The following FSTL4 variants were observed in gnomAD, a reference collection of about 807,000 sequenced individuals.
FSTL4 encodes follistatin-related protein 4.
Under a neutral mutation model 78.2 loss-of-function variants are expected in FSTL4, and 28 were observed. The observed-to-expected ratio is 0.36, with a 90% CI of 0.27 to 0.49. FSTL4 has a LOEUF of 0.49. FSTL4 is among the 20% of genes least tolerant of loss of function. FSTL4 has a pLI of 0.98. For missense variants in FSTL4, 922 were observed against 1,084.9 expected, an observed-to-expected ratio of 0.85 and a Z score of 2.11; for synonymous variants, 422 against 440.5, an observed-to-expected ratio of 0.96 and a Z score of 0.53.
intron 6 of FSTL4, among the ~76,000 whole-genome samples, chr5:133,250,535 T>C (rs934606018): frequency 5.9e-5 from 9 of 152,210 alleles, no homozygotes; most frequent in Admixed American, 3.3e-4. Flanking sequence ...TACGACTCTA[T>C]TGGGACCTGG....
chr5:133,759,673 C>G, the FSTL4 span, among the ~76,000 whole-genome samples: 82,159 of 152,068 alleles, frequency 0.54, 22,758 homozygotes, highest in Non-Finnish European at 0.61. Context: ...CCATGTTTCT[C>G]TAACTGTGGA....
At chr5:133,315,493 G>A (rs185749381) in intron 5 of FSTL4, among the ~76,000 whole-genome samples, 2 of 152,322 alleles carry the variant, frequency 1.3e-5, no homozygotes, top group East Asian at 3.9e-4. Flanking sequence ...CAATGACCGG[G>A]CCACAGCCTT....
intron 4 of FSTL4, among the ~76,000 whole-genome samples, chr5:133,360,177 C>A (rs1755038545): frequency 6.6e-6 from 1 of 152,192 alleles, no homozygotes; most frequent in African/African-American, 2.4e-5. Context: ...AAAGTACACT[C>A]CAAGTACAAT....
intron 6 of FSTL4, among the ~76,000 whole-genome samples, chr5:133,298,680 G>C (rs1753463476): frequency 6.6e-6 from 1 of 152,266 alleles, no homozygotes; most frequent in Non-Finnish European, 1.5e-5. Flanking sequence ...TCTGAGAGCA[G>C]GAAACTCAGC....
chr5:133,831,273 C>A, the FSTL4 span, among the ~76,000 whole-genome samples: 4 of 152,182 alleles, frequency 2.6e-5, no homozygotes, highest in East Asian at 7.7e-4. Flanking sequence ...TGCATCCAGG[C>A]CGCTGTATCT....
chr5:133,392,205 G>A (rs897786378), intron 4 of FSTL4, among the ~76,000 whole-genome samples: 3 of 152,184 alleles, frequency 2.0e-5, no homozygotes, highest in Non-Finnish European at 4.4e-5. Context: ...GACCATCCCA[G>A]GTGGAATGAG....
the FSTL4 span, among the ~76,000 whole-genome samples, chr5:133,712,011 T>C: frequency 6.6e-6 from 1 of 152,062 alleles, no homozygotes; most frequent in East Asian, 1.9e-4. Context: ...GGCTACAAAA[T>C]ACCCCGCCCA....
intron 4 of FSTL4, among the ~76,000 whole-genome samples, chr5:133,366,290 C>T (rs976607849): frequency 1.3e-5 from 2 of 152,170 alleles, no homozygotes; most frequent in Non-Finnish European, 2.9e-5. Flanking sequence ...TCCGAGGATA[C>T]CCCAGCCATT....
At chr5:133,725,178 G>GA in the FSTL4 span, among the ~76,000 whole-genome samples, 2 of 152,032 alleles carry the variant, frequency 1.3e-5, no homozygotes, top group South Asian at 2.1e-4. Flanking sequence ...CTTTTTTAAA[G>GA]AAAAAATTGT....
Position 133,525,919 on chromosome 5 carries a change from T to C in FSTL4, c.160+41267A>G, listed in dbSNP as rs1445507353. Among the ~76,000 whole-genome samples the C allele has an allele frequency of 2.6e-5, 4 of 152,326 alleles. No homozygotes were observed. The East Asian group carries it at 7.7e-4, about 29-fold the overall frequency. On this transcript the variant is annotated intron_variant, in intron 3 of 15. Transcript: ENST00000265342. ...CTAGCTCTTTATGCCTTCAAATATG[T>C]CTGTCAAAGACATATTAGTTGAGCA...
At chr5:133,795,454 T>C in the FSTL4 span, among the ~76,000 whole-genome samples, 1 of 152,220 alleles carries the variant, frequency 6.6e-6, no homozygotes, top group Non-Finnish European at 1.5e-5. Flanking sequence ...AAGGTGTGCA[T>C]GTCAACTTTC....
At chr5:133,648,459 G>C in the FSTL4 span, among the ~76,000 whole-genome samples, 57 of 152,176 alleles carry the variant, frequency 3.7e-4, no homozygotes, top group Non-Finnish European at 5.9e-4. Context: ...AGGGTAAACT[G>C]TCTCTCTCTG....
the FSTL4 span, among the ~76,000 whole-genome samples, chr5:133,814,791 T>C: frequency 6.6e-6 from 1 of 152,176 alleles, no homozygotes; most frequent in Non-Finnish European, 1.5e-5. Context: ...GAAAGATGTT[T>C]AAAATTATCT....
chr5:133,500,710 T>C (rs1561447317), intron 3 of FSTL4, among the ~76,000 whole-genome samples: 1 of 152,220 alleles, frequency 6.6e-6, no homozygotes, highest in Non-Finnish European at 1.5e-5. Context: ...ATATTAACCT[T>C]TGAGAATGTA....
intron 4 of FSTL4, among the ~76,000 whole-genome samples, chr5:133,370,796 A>C (rs1429977454): frequency 6.6e-6 from 1 of 152,154 alleles, no homozygotes; most frequent in East Asian, 1.9e-4. Context: ...GGGTGGTTTC[A>C]GGAATGAGAA....
chr5:133,320,941 A>G (rs536072301), intron 4 of FSTL4, among the ~76,000 whole-genome samples: 2 of 140,654 alleles, frequency 1.4e-5, no homozygotes, highest in African/African-American at 5.4e-5. Context: ...CGGGAGGCAC[A>G]GCTTGCAGTG....
At chr5:133,386,195 G>T (rs1163152184) in intron 4 of FSTL4, among the ~76,000 whole-genome samples, 3 of 152,178 alleles carry the variant, frequency 2.0e-5, no homozygotes, top group African/African-American at 7.2e-5. Context: ...CATGTCACAT[G>T]GGCTCTTTGA....
At chr5:133,395,069 G>A (rs1219979210) in intron 4 of FSTL4, among the ~76,000 whole-genome samples, 4 of 152,104 alleles carry the variant, frequency 2.6e-5, no homozygotes, top group East Asian at 3.9e-4. Flanking sequence ...TCAGCGCTCT[G>A]TAAAACAGAC....
chr5:133,450,207 A>C (rs1057177370), intron 3 of FSTL4, among the ~76,000 whole-genome samples: 2 of 152,242 alleles, frequency 1.3e-5, no homozygotes, highest in Non-Finnish European at 2.9e-5. Flanking sequence ...CACAGCAAGC[A>C]AGATGATTTC....
Sources: allele counts gnomAD v4.1 joint callset (sites outside exome capture counted in the v4.1 genomes callset), GRCh38; gene constraint gnomAD v4.1.1; transcripts MANE v1.5; gene names NCBI Gene and HGNC (gene_info 2026-07-23, HGNC 2026-07-21).